BPIFB4: variants seen among roughly 807,000 people sequenced by gnomAD.
The protein encoded by BPIFB4 is BPI fold containing family B member 4.
Under a neutral mutation model 69.2 loss-of-function variants are expected in BPIFB4, and 62 were observed. That is an observed-to-expected ratio of 0.90 (90% CI 0.73 to 1.11). The LOEUF (loss-of-function observed/expected upper bound fraction) is 1.11, where lower values mean the gene tolerates loss of function less well. Ranked by LOEUF, BPIFB4 falls within the 50% of genes least tolerant of loss-of-function variation. BPIFB4 has a pLI of 0.00. For synonymous variants in BPIFB4, 330 were observed against 332.7 expected (o/e 0.99, Z 0.09); for missense variants, 789 against 792.0 (o/e 1.00, Z 0.04).
In BPIFB4 at chr20:33,097,599, C is replaced by T. The variant is rs13041016; in HGVS notation, c.1399-18C>T. 333,991 of 1,609,444 alleles carry T rather than the reference C, an allele frequency of 0.21. 36,387 individuals carry two copies. The highest frequency in any genetic ancestry group is 0.34 in the Admixed American group (20,126 of 59,930). On this transcript the variant is annotated intron_variant, in intron 12 of 17. Coordinates refer to ENST00000375483, the MANE Select transcript of BPIFB4 (RefSeq NM_182519.3). ...TATGCTAAGGGCCCTGTCCATCTGG[C>T]CTGGTGCCTGCCCACAGGTGTTCCA...
At position 33,107,728 on chromosome 20, in the gene BPIFB4, G is replaced by C. The variant is rs750423975; in HGVS notation, c.1745-16G>C. On this transcript the variant is annotated splice_polypyrimidine_tract_variant and intron_variant, in intron 16 of 17. Transcript: ENST00000375483. ...CTTGGACCACTGACCATGTCTGACT[G>C]TTTTTTATTTTACAGCTGTGCTGGG... 6.2e-7 allele frequency: 1 copy of C among 1,609,454 alleles called. No individual in the cohort carries two copies. The highest frequency in any genetic ancestry group is 8.5e-7 in the Non-Finnish European group (1 of 1,175,870).
At chr20:33,089,630 A>G (rs1221087100) in intron 9 of BPIFB4, 72 bp downstream of exon 9, 3 of 1,610,536 alleles carry the variant, frequency 1.9e-6, no homozygotes, top group Admixed American at 3.3e-5. Flanking sequence ...GGAGGGCTCA[A>G]TGTGGTGGGG....
intron 9 of BPIFB4, 146 bp from the exon 10 acceptor site, chr20:33,090,562 G>A: frequency 7.2e-7 from 1 of 1,386,634 alleles, no homozygotes; most frequent in Non-Finnish European, 9.6e-7. Context: ...GCAGAGCTGG[G>A]ATTCAAACCC....
At chr20:33,083,286 TGCTGGGTGGCAGTGGTGGTG>T in intron 4 of BPIFB4, 61 bp from the exon 5 acceptor site, 2 of 1,412,836 alleles carry the variant, frequency 1.4e-6, no homozygotes, top group Non-Finnish European at 1.9e-6. Context: ...AGAGGGGGGC[TGCTGGGTGGCAGTGGTGGTG>T]GTCTTTTGGG....
chr20:33,083,828 G>C lies in BPIFB4; in HGVS notation c.631G>C (p.Val211Leu). Residue 211 changes from valine (V) to leucine (L), a missense_variant, in exon 5 of 18, where the codon GTG (valine) becomes CTG (leucine). Physicochemically the swap from Val to Leu is conservative, Grantham distance 32. Around this residue, in one of 3 missense-constraint regions of BPIFB4, gnomAD observed 611 missense variants for 575.4 expected, o/e 1.06. Coordinates refer to ENST00000375483, the MANE Select transcript of BPIFB4 (RefSeq NM_182519.3). ...TCTTGGAGGAGGGGGTGTCCTGGGC[G>C]TGCTCGGCGAGGGTGGCATCCTCAG... ...GLLGGGGVLG[V>L]LGEGGILSTV... 6.2e-7 allele frequency: 1 copy of C among 1,613,430 alleles called. No individual in the cohort carries two copies. Among genetic ancestry groups the C allele is most frequent in the Non-Finnish European group, 8.5e-7 (1 of 1,179,716 alleles).
intron 8 of BPIFB4, 121 bp from the exon 9 acceptor site, chr20:33,089,377 G>C: frequency 6.7e-7 from 1 of 1,482,012 alleles, no homozygotes; most frequent in Non-Finnish European, 9.3e-7. Flanking sequence ...GTGGTGAGGA[G>C]AGTGCCTGGC....
At position 33,090,668 on chromosome 20, in the gene BPIFB4, G is replaced by A. The variant is rs368090280; in HGVS notation, c.1052-40G>A. On this transcript the variant is annotated intron_variant, in intron 9 of 17. Transcript: ENST00000375483. ...GTATGAGGAGGGAAGGCATCTGGAT[G>A]GTGAGGGGACCTCCCTGTGACCCTC... 8.7e-6 allele frequency: 14 copies of A among 1,610,460 alleles called. No homozygotes were observed. In the Admixed American group the frequency reaches 1.5e-4, roughly 17 times the overall value.
At chr20:33,106,474 G>A (rs1982060833) in intron 16 of BPIFB4, among the ~76,000 whole-genome samples, 1 of 150,808 alleles carries the variant, frequency 6.6e-6, no homozygotes, top group Non-Finnish European at 1.5e-5. Context: ...CCAGGTTCAA[G>A]AGACTCCCCT....
At chr20:33,102,182 G>A (rs1981926221) in intron 14 of BPIFB4, among the ~76,000 whole-genome samples, 1 of 152,220 alleles carries the variant, frequency 6.6e-6, no homozygotes, top group African/African-American at 2.4e-5. Flanking sequence ...GTGGGGTGCG[G>A]TGCCTGAGAG....
chr20:33,103,022 C>G lies in BPIFB4; in HGVS notation c.1680+8C>G. The G allele has an allele frequency of 6.2e-7, 1 of 1,613,412 alleles. No individual in the cohort carries two copies. Among genetic ancestry groups the G allele is most frequent in the Non-Finnish European group, 8.5e-7 (1 of 1,179,402 alleles). ...AACGTGGGCAACTTTGATGTAAGTA[C>G]CATGTTTAGTTCCCAGGGCAAGATC... On this transcript the variant is annotated splice_region_variant and intron_variant, in intron 15 of 17. Transcript: ENST00000375483.
intron 7 of BPIFB4, 29 bp downstream of exon 7, chr20:33,086,193 TG>T: frequency 6.3e-7 from 1 of 1,590,676 alleles, no homozygotes; most frequent in Non-Finnish European, 8.6e-7. Flanking sequence ...TGGAGTGCCT[TG>T]GGGGTTGCTG....
intron 7 of BPIFB4, among the ~76,000 whole-genome samples, chr20:33,088,589 T>G (rs1289535885): frequency 6.6e-6 from 1 of 152,202 alleles, no homozygotes; most frequent in East Asian, 1.9e-4. Context: ...AATAAACACG[T>G]TCGTTTTCCC....
chr20:33,103,049 T>G, intron 15 of BPIFB4, 35 bp downstream of exon 15: 1 of 1,603,062 alleles, frequency 6.2e-7, no homozygotes. Flanking sequence ...GGCAAGATCT[T>G]CTGGGAAGGA....
intron 6 of BPIFB4, 39 bp downstream of exon 6, chr20:33,085,035 A>G (rs779736292): frequency 6.4e-5 from 102 of 1,592,410 alleles, no homozygotes; most frequent in Non-Finnish European, 1.8e-5. Flanking sequence ...CCACCACCCT[A>G]TGGCCCAACC....
At chr20:33,097,892 C>T in intron 13 of BPIFB4, 105 bp downstream of exon 13, 1 of 1,258,850 alleles carries the variant, frequency 7.9e-7, no homozygotes, top group Non-Finnish European at 1.1e-6. Flanking sequence ...TCTCCACCAT[C>T]ATGACTATGG....
At chr20:33,105,691 G>A (rs996623554) in intron 16 of BPIFB4, among the ~76,000 whole-genome samples, 1 of 152,186 alleles carries the variant, frequency 6.6e-6, no homozygotes, top group African/African-American at 2.4e-5. Flanking sequence ...TACACCAGCG[G>A]GGGTTCTGTT....
chr20:33,095,515 A>G (rs570358383), intron 12 of BPIFB4, among the ~76,000 whole-genome samples: 33 of 152,312 alleles, frequency 2.2e-4, no homozygotes, highest in African/African-American at 7.5e-4. Context: ...ATAGGTTATC[A>G]TAGGAAGGTA....
At chr20:33,083,083 T>C in intron 4 of BPIFB4, 83 bp downstream of exon 4, 1 of 582,388 alleles carries the variant, frequency 1.7e-6, no homozygotes, top group Middle Eastern at 3.5e-4. Flanking sequence ...GGGGAGGTGG[T>C]CTCCTGGGGG....
intron 13 of BPIFB4, among the ~76,000 whole-genome samples, chr20:33,098,520 G>A (rs1336518513): frequency 1.3e-5 from 2 of 152,054 alleles, no homozygotes; most frequent in African/African-American, 2.4e-5. Flanking sequence ...TGAGGTGGGT[G>A]GATCACTTGA....
Sources: allele counts gnomAD v4.1 joint callset (sites outside exome capture counted in the v4.1 genomes callset), GRCh38; gene constraint gnomAD v4.1.1; regional missense constraint gnomAD v4.1.1; transcripts MANE v1.5; gene names NCBI Gene and HGNC (gene_info 2026-07-23, HGNC 2026-07-21).